ZNF2: variants seen among roughly 807,000 people sequenced by gnomAD.
The protein encoded by ZNF2 is zinc finger protein 2.2.
A neutral mutation model predicts 21.9 loss-of-function variants in ZNF2; 12 were observed. That is an observed-to-expected ratio of 0.55 (90% CI 0.35 to 0.89). The LOEUF is 0.89. Ranked by LOEUF, ZNF2 falls within the 40% of genes least tolerant of loss-of-function variation. The pLI is 0.01. For missense variants in ZNF2, 462 were observed against 544.2 expected (o/e 0.85, Z 1.50); for synonymous variants, 186 against 196.3 (o/e 0.95, Z 0.44).
chr2:95,181,487 T>C lies in ZNF2; in HGVS notation c.659T>C (p.Leu220Pro), dbSNP rs775131373. Residue 220 changes from leucine to proline, a missense_variant, in exon 5 of 5, where the codon CTG becomes CCG. Transcript: ENST00000614034. ...CACAGGAGCAGCCTCAGCAGACATC[T>C]GATGTCACACACTGGGGAGAGCCCC... is the stretch of plus-strand genomic sequence containing the variant. Reference protein sequence around the residue: ...FSHRSSLSRHLMSHTGESPYE... With the variant: ...FSHRSSLSRHPMSHTGESPYE... 6.2e-7 allele frequency: 1 copy of C among 1,613,948 alleles called. No individual in the cohort carries two copies. The highest frequency in any genetic ancestry group is 1.1e-5 in the South Asian group (1 of 91,062).
rs777787200 is a variant in ZNF2 at position 95,181,684 on chromosome 2, G to A, written c.856G>A (p.Glu286Lys). The A allele has an allele frequency of 2.5e-6, 4 of 1,614,086 alleles. No homozygotes were observed. Among genetic ancestry groups the A allele is most frequent in the Non-Finnish European group, 3.4e-6 (4 of 1,180,048 alleles). Residue 286 changes from glutamate to lysine, a missense_variant, in exon 5 of 5, where the codon GAA becomes AAA. By Grantham distance (56) the Glu-to-Lys change is moderately conservative. Transcript: ENST00000614034. The stretch of plus-strand genomic sequence containing the variant: ...AATTCACACTGGAGAAAGTCCTTAT[G>A]AATGTCATCAGTGTGGGAAAGCCTT... The part of the protein sequence containing the change: ...QRIHTGESPY[E>K]CHQCGKAFSQ...
At chr2:95,175,996 A>G (rs1296346328) in intron 1 of ZNF2, among the ~76,000 whole-genome samples, 192 bp from the exon 2 acceptor site, 4 of 152,292 alleles carry the variant, frequency 2.6e-5, no homozygotes, top group African/African-American at 4.8e-5. Context: ...TCTAATTCGC[A>G]GTTCCATGGT....
chr2:95,174,532 T>C (rs1372565921), intron 1 of ZNF2, among the ~76,000 whole-genome samples: 2 of 152,236 alleles, frequency 1.3e-5, no homozygotes, highest in Non-Finnish European at 2.9e-5. Context: ...ACCTGCCTCC[T>C]TCTTTTTGAA....
At position 95,181,754 on chromosome 2, in the gene ZNF2, G is replaced by T. The variant is rs1173088656; in HGVS notation, c.926G>T (p.Gly309Val). The T allele has an allele frequency of 6.2e-7, 1 of 1,614,236 alleles. No individual in the cohort carries two copies. The highest frequency in any genetic ancestry group is 8.5e-7 in the Non-Finnish European group (1 of 1,180,054). Reference sequence around the variant, plus strand: ...ACTCGCCATCAGCTAATCCACACTGGCAGGAAGCCTTATGAGTGTAACGAG... The same window carrying T: ...ACTCGCCATCAGCTAATCCACACTGTCAGGAAGCCTTATGAGTGTAACGAG... ...ILTRHQLIHTGRKPYECNECG... is the reference protein window; with the variant it reads ...ILTRHQLIHTVRKPYECNECG... Residue 309 changes from glycine (G) to valine (V), a missense_variant, in exon 5 of 5, where the codon GGC becomes GTC. Gly to Val is a moderately radical substitution (Grantham distance 109). Coordinates refer to ENST00000614034, the MANE Select transcript of ZNF2 (RefSeq NM_021088.4).
chr2:95,176,919 TAAAAA>T (rs11312026), intron 2 of ZNF2, among the ~76,000 whole-genome samples: 2 of 150,950 alleles, frequency 1.3e-5, no homozygotes, highest in African/African-American at 2.4e-5. Context: ...TAAGGATTTG[TAAAAA>T]AAAAAAGACA....
At chr2:95,177,415 G>T (rs935840704) in intron 2 of ZNF2, 68 bp from the exon 3 acceptor site, 2 of 1,564,748 alleles carry the variant, frequency 1.3e-6, no homozygotes, top group Non-Finnish European at 1.7e-6. Flanking sequence ...TGTCATCTTT[G>T]ACATTTTTGG....
chr2:95,166,125 T>A (rs1674023109), intron 1 of ZNF2, among the ~76,000 whole-genome samples: 1 of 151,480 alleles, frequency 6.6e-6, no homozygotes, highest in Non-Finnish European at 1.5e-5. Context: ...TTCCTCCGCC[T>A]CTCCCGTTTC....
Position 95,181,814 on chromosome 2 carries a change from A to C in ZNF2, c.986A>C (p.Asn329Thr). Reference protein sequence around the residue: ...GKAFYGVSSLNRHQKAHAGDP... With the variant: ...GKAFYGVSSLTRHQKAHAGDP... ...GCTTTCTATGGTGTCTCGTCTCTGA[A>C]TAGACATCAGAAAGCTCATGCTGGG... The change falls in exon 5 of 5, where the codon AAT becomes ACT. Residue 329 changes from asparagine to threonine, a missense_variant. Coordinates refer to ENST00000614034, the MANE Select transcript of ZNF2 (RefSeq NM_021088.4). The C allele has an allele frequency of 1.2e-6, 2 of 1,614,158 alleles. No individual in the cohort carries two copies. Among genetic ancestry groups the C allele is most frequent in the Non-Finnish European group, 1.7e-6 (2 of 1,180,024 alleles).
chr2:95,180,267 C>A lies in ZNF2; in HGVS notation c.269C>A (p.Ser90Tyr). ...GAGAGAGAATGGCCAGAGAGTGTCT[C>A]TCTAGGTAACTGAGTGTGAACAAGA... Reference protein sequence around the residue: ...SEEREWPESVSLDWETKPEIH... With the variant: ...SEEREWPESVYLDWETKPEIH... Residue 90 changes from serine (S) to tyrosine (Y), a missense_variant, in exon 4 of 5, where the codon TCT (serine) becomes TAT (tyrosine). Coordinates refer to ENST00000614034, the MANE Select transcript of ZNF2 (RefSeq NM_021088.4). 2 of 1,606,546 alleles carry A rather than the reference C, an allele frequency of 1.2e-6. No individual in the cohort carries two copies. Among genetic ancestry groups the A allele is most frequent in the Non-Finnish European group, 1.7e-6 (2 of 1,173,440 alleles).
In ZNF2 at chr2:95,183,814, G is replaced by A. The variant is rs927054102; in HGVS notation, c.*1708G>A. 1 of 151,932 alleles carries A rather than the reference G, an allele frequency of 6.6e-6. No individual in the cohort carries two copies. The highest frequency in any genetic ancestry group is 2.4e-5 in the African/African-American group (1 of 41,366). The allele number at this position is 151,932 out of a possible 1,614,324, so 9.4% of individuals were successfully genotyped here. A position where few individuals can be genotyped will look rare whatever the true frequency, so the allele number is the denominator to read the frequency against. On this transcript the variant is annotated 3_prime_UTR_variant, in exon 5 of 5. Coordinates refer to ENST00000614034, the MANE Select transcript of ZNF2 (RefSeq NM_021088.4). ...TTTTTGTATTTTTAGTAGAGACGGG[G>A]TTTCACCGTGTTAGCCAGGATGGTC...
intron 1 of ZNF2, among the ~76,000 whole-genome samples, chr2:95,167,648 G>A (rs990914825): frequency 4.2e-4 from 63 of 151,594 alleles, no homozygotes; most frequent in Non-Finnish European, 7.7e-4. Flanking sequence ...AGGAGTTCAA[G>A]ACCAGCCTGG....
intron 1 of ZNF2, among the ~76,000 whole-genome samples, chr2:95,171,389 T>A (rs967350058): frequency 1.3e-5 from 2 of 151,880 alleles, no homozygotes; most frequent in Non-Finnish European, 2.9e-5. Flanking sequence ...CTTCTTTTTT[T>A]TTTTTTTCCC....
rs778110450 is a variant in ZNF2, at chr2:95,182,139, C to G, written c.*33C>G. ...AAAAGCTTGGGTAGGACAAGAACTTCCATACAAATTTGAGATAGATCTCGC... is the reference window on the plus strand; with the variant it reads ...AAAAGCTTGGGTAGGACAAGAACTTGCATACAAATTTGAGATAGATCTCGC... On this transcript the variant is annotated 3_prime_UTR_variant, in exon 5 of 5. Coordinates refer to ENST00000614034, the MANE Select transcript of ZNF2 (RefSeq NM_021088.4). The G allele has an allele frequency of 1.2e-5, 18 of 1,557,350 alleles. No homozygotes were observed. Among genetic ancestry groups the G allele is most frequent in the Non-Finnish European group, 1.6e-5 (18 of 1,152,386 alleles).
intron 1 of ZNF2, among the ~76,000 whole-genome samples, chr2:95,167,667 G>GTGAA (rs1674127713): frequency 6.6e-6 from 1 of 151,824 alleles, no homozygotes; most frequent in Non-Finnish European, 1.5e-5. Context: ...GGCCAACATG[G>GTGAA]TGAAACCCCG....
intron 2 of ZNF2, among the ~76,000 whole-genome samples, chr2:95,176,467 T>C (rs1674448144): frequency 6.6e-6 from 1 of 152,204 alleles, no homozygotes; most frequent in Non-Finnish European, 1.5e-5. Flanking sequence ...TCACCAGGCT[T>C]AACAACTCCT....
rs1305219191 is a variant in ZNF2 at position 95,183,485 on chromosome 2, A to G, written c.*1379A>G. 6.6e-6 allele frequency: 1 copy of G among 151,940 alleles called. No homozygotes were observed. Among genetic ancestry groups the G allele is most frequent in the Non-Finnish European group, 1.5e-5 (1 of 67,962 alleles). The allele number at this position is 151,940 out of a possible 1,614,324, so 9.4% of individuals were successfully genotyped here. On this transcript the variant is annotated 3_prime_UTR_variant, in exon 5 of 5. Transcript: ENST00000614034. ...CTTCCTGCCCATCACTGCCTTCCTC[A>G]AGACCTAAAATAGCTCCCTATTTAG...
rs1159601823 is a variant in ZNF2 at position 95,182,345 on chromosome 2, G to A, written c.*239G>A. The A allele has an allele frequency of 4.3e-6, 2 of 469,860 alleles. No homozygotes were observed. Among genetic ancestry groups the A allele is most frequent in the African/African-American group, 3.9e-5 (2 of 51,498 alleles). 29.1% of individuals were successfully genotyped at this position (469,860 alleles called of 1,614,324 possible). A position where few individuals can be genotyped will look rare whatever the true frequency, so the allele number is the denominator to read the frequency against. On this transcript the variant is annotated 3_prime_UTR_variant, in exon 5 of 5. Coordinates refer to ENST00000614034, the MANE Select transcript of ZNF2 (RefSeq NM_021088.4). ...AAGAGGTTTGTCAGACAATAGGATA[G>A]ATGTTAGGAGGAGACACACCTCTTG... is the stretch of plus-strand genomic sequence containing the variant.
chr2:95,183,214 A>G lies in ZNF2; in HGVS notation c.*1108A>G, dbSNP rs775476327. 2 of 152,184 alleles carry G rather than the reference A, an allele frequency of 1.3e-5. No homozygotes were observed. Among genetic ancestry groups the G allele is most frequent in the East Asian group, 1.9e-4 (1 of 5,188 alleles). 9.4% of individuals were successfully genotyped at this position (152,184 alleles called of 1,614,324 possible). On this transcript the variant is annotated 3_prime_UTR_variant, in exon 5 of 5. Transcript: ENST00000614034. ...GACGGGAACCATTCTGTCTTATTCTATCCTCATTATTTGGAACATCTGGCT... is the reference window on the plus strand; with the variant it reads ...GACGGGAACCATTCTGTCTTATTCTGTCCTCATTATTTGGAACATCTGGCT...
chr2:95,176,372 C>A, intron 2 of ZNF2, 113 bp downstream of exon 2: 1 of 1,252,212 alleles, frequency 8.0e-7, no homozygotes, highest in Non-Finnish European at 1.2e-6. Context: ...AGATGAAGGA[C>A]TCCACAGGGA....
Sources: gnomAD v4.1 joint callset for allele counts (sites outside exome capture counted in the v4.1 genomes callset) on GRCh38, gnomAD v4.1.1 for gene constraint, MANE v1.5 for transcripts, NCBI Gene and HGNC (gene_info 2026-07-23, HGNC 2026-07-21) for gene names.